OTOG: variants seen among roughly 807,000 people sequenced by gnomAD.
OTOG encodes the protein otogelin.
OTOG carries 296 observed loss-of-function variants against 313.8 expected under a neutral mutation model. That is an observed-to-expected ratio of 0.94 (90% CI 0.86 to 1.04). OTOG has a LOEUF of 1.04. OTOG is among the 50% of genes least tolerant of loss of function. The probability of loss-of-function intolerance (pLI) is 0.00; values close to 1 mark genes in which losing one functional copy is unlikely to be tolerated. For synonymous variants in OTOG, 1,533 were observed against 1,554.9 expected (o/e 0.99, Z 0.33); for missense variants, 3,948 against 3,840.1 (o/e 1.03, Z -0.74).
chr11:17,586,049 G>A (rs561414456), intron 23 of OTOG, among the ~76,000 whole-genome samples: 11 of 152,194 alleles, frequency 7.2e-5, no homozygotes, highest in Non-Finnish European at 1.5e-4. Context: ...CAGATTTCAT[G>A]GAAACCAGAC....
intron 1 of OTOG, 187 bp downstream of exon 1, chr11:17,547,653 C>G (rs561032273): frequency 1.5e-4 from 171 of 1,128,762 alleles, no homozygotes; most frequent in Non-Finnish European, 1.7e-4. Context: ...GGCCTATGAC[C>G]GCGGGGGAAA....
intron 30 of OTOG, 120 bp from the exon 31 acceptor site, chr11:17,599,551 G>A (rs1853193964): frequency 9.5e-7 from 1 of 1,057,302 alleles, no homozygotes; most frequent in Non-Finnish European, 1.4e-6. Flanking sequence ...ACATGTGGGA[G>A]GCAGGCCAGG....
At chr11:17,641,977 T>G in intron 52 of OTOG, 26 bp downstream of exon 52, 1 of 1,545,554 alleles carries the variant, frequency 6.5e-7, no homozygotes, top group East Asian at 2.4e-5. Context: ...GCTGCCCACT[T>G]AGGAGGGTGT....
intron 6 of OTOG, among the ~76,000 whole-genome samples, chr11:17,553,838 T>G (rs1851998523): frequency 6.6e-6 from 1 of 152,244 alleles, no homozygotes; most frequent in Non-Finnish European, 1.5e-5. Flanking sequence ...CTTTGTCTTC[T>G]CAGAACTTAT....
In OTOG at chr11:17,602,274, G is replaced by A; in HGVS notation, c.3774G>A (p.Lys1258=). The A allele has an allele frequency of 6.4e-7, 1 of 1,550,618 alleles. No individual in the cohort carries two copies. The highest frequency in any genetic ancestry group is 8.7e-7 in the Non-Finnish European group (1 of 1,146,964). Residue 1258 remains lysine, a synonymous_variant, in exon 32 of 56, where the codon AAG becomes AAA. Coordinates refer to ENST00000399397, the MANE Select transcript of OTOG (RefSeq NM_001292063.2). ...LAAGGALVGM[K]AVGDDIVLVR... ...CCGGTGGTGCTCTGGTGGGCATGAA[G>A]GCGGTGGGCGATGACATAGTCCTAG...
chr11:17,594,214 G>A (rs1217873802), intron 28 of OTOG, 48 bp downstream of exon 28: 60 of 1,549,002 alleles, frequency 3.9e-5, no homozygotes, highest in African/African-American at 1.2e-4. Flanking sequence ...TCAGATGGGC[G>A]CTGCCAGCAC....
At position 17,634,831 on chromosome 11, in the gene OTOG, TC is replaced by T; in HGVS notation, c.7481-9del. ...GGCCCCGAGGTGACAGGCCCTGTGG[TC>T]CCCGGGGCCAGTGTGTAACCAGACT... On this transcript the variant is annotated splice_polypyrimidine_tract_variant and intron_variant, in intron 44 of 55. Coordinates refer to ENST00000399397, the MANE Select transcript of OTOG (RefSeq NM_001292063.2). 6.5e-7 allele frequency: 1 copy of T among 1,544,426 alleles called. No homozygotes were observed. Among genetic ancestry groups the T allele is most frequent in the South Asian group, 1.2e-5 (1 of 83,826 alleles).
chr11:17,597,054 C>T, intron 30 of OTOG, 47 bp downstream of exon 30: 1 of 1,540,362 alleles, frequency 6.5e-7, no homozygotes, highest in Non-Finnish European at 8.8e-7. Context: ...AGAGTGTCAC[C>T]TGTGGGCATG....
chr11:17,574,808 T>A lies in OTOG; in HGVS notation c.2382T>A (p.Cys794Ter). ...AGGACCTGGCCAGCCCTGAGGCCTG[T>A]GGGGTTGATGGTGGCGATGACCTGA... The part of the protein sequence containing the change: ...TCQDLASPEA[C>*]GVDGGDDLSR... The change falls in exon 20 of 56, where the codon TGT becomes TGA. Residue 794 changes from cysteine to a stop codon, truncating the protein, a stop_gained. Coordinates refer to ENST00000399397, the MANE Select transcript of OTOG (RefSeq NM_001292063.2). LOFTEE classifies it high-confidence loss of function. 6.4e-7 allele frequency: 1 copy of A among 1,550,460 alleles called. No individual in the cohort carries two copies. The highest frequency in any genetic ancestry group is 8.7e-7 in the Non-Finnish European group (1 of 1,146,870).
At position 17,645,786 on chromosome 11, in the gene OTOG, A is replaced by G. The variant is rs1189373576; in HGVS notation, c.8584A>G (p.Ile2862Val). The G allele has an allele frequency of 6.4e-7, 1 of 1,551,082 alleles. No homozygotes were observed. Among genetic ancestry groups the G allele is most frequent in the East Asian group, 2.4e-5 (1 of 40,920 alleles). The change falls in exon 56 of 56, where the codon ATC (isoleucine) becomes GTC (valine). Residue 2862 changes from isoleucine to valine, a missense_variant. Physicochemically the swap from Ile to Val is conservative, Grantham distance 29 (BLOSUM62 3). Transcript: ENST00000399397. ...SCDGRCPSAS[I>V]YNYNINTYAR... The stretch of plus-strand genomic sequence containing the variant: ...CGATGGGAGGTGCCCATCCGCCAGC[A>G]TCTACAACTACAACATCAACACCTA...
At chr11:17,601,508 C>T (rs562748478) in intron 31 of OTOG, among the ~76,000 whole-genome samples, 14 of 151,438 alleles carry the variant, frequency 9.2e-5, no homozygotes, top group African/African-American at 3.4e-4. Flanking sequence ...TGGGCAGGGG[C>T]TGAGGGCTGA....
intron 32 of OTOG, among the ~76,000 whole-genome samples, chr11:17,603,707 G>A (rs899115248): frequency 6.6e-6 from 1 of 152,178 alleles, no homozygotes; most frequent in African/African-American, 2.4e-5. Context: ...GCATGGAGGA[G>A]GTGTCCCTTG....
At chr11:17,561,851 T>G in intron 15 of OTOG, 44 bp downstream of exon 15, 1 of 1,547,350 alleles carries the variant, frequency 6.5e-7, no homozygotes, top group Non-Finnish European at 8.7e-7. Context: ...CAGCTACTCC[T>G]GCCTACTGCC....
At chr11:17,571,241 G>T (rs187417772) in intron 17 of OTOG, among the ~76,000 whole-genome samples, 159 of 152,328 alleles carry the variant, frequency 1.0e-3, no homozygotes, top group African/African-American at 3.5e-3. Flanking sequence ...AGGGTAGCTG[G>T]CCAAATAGTA....
chr11:17,623,930 C>T (rs1295995678), intron 39 of OTOG, among the ~76,000 whole-genome samples: 5 of 152,146 alleles, frequency 3.3e-5, no homozygotes, highest in Admixed American at 3.3e-4. Context: ...TGCTTATTGG[C>T]TGAATGTATG....
chr11:17,572,320 TAA>T (rs1852423079), intron 18 of OTOG, 116 bp downstream of exon 18: 1 of 1,391,510 alleles, frequency 7.2e-7, no homozygotes, highest in Non-Finnish European at 9.6e-7. Context: ...GTAGGAGTGA[TAA>T]GAGAAGGAGG....
chr11:17,639,397 G>T (rs1373152909), intron 48 of OTOG, 26 bp from the exon 49 acceptor site: 1 of 1,550,422 alleles, frequency 6.4e-7, no homozygotes, highest in Admixed American at 2.0e-5. Context: ...CTGATGAAGT[G>T]GGGCCTGGCC....
chr11:17,615,477 G>A (rs1298183017), intron 39 of OTOG, among the ~76,000 whole-genome samples: 1 of 152,098 alleles, frequency 6.6e-6, no homozygotes, highest in Non-Finnish European at 1.5e-5. Flanking sequence ...TATAGTTTTA[G>A]GTATTACTTT....
Position 17,547,289 on chromosome 11 carries a change from TG to T in OTOG, c.-82del. On this transcript the variant is annotated 5_prime_UTR_variant, in exon 1 of 56. An upstream open reading frame in the 5' UTR gains an earlier in-frame stop. Coordinates refer to ENST00000399397, the MANE Select transcript of OTOG (RefSeq NM_001292063.2). ...AACAAGAGGGACCTCGGCTGCGGAG[TG>T]GAGGTGTGACCCTGCCTTAGCCCGG... is the stretch of plus-strand genomic sequence containing the variant. 1 of 1,141,844 alleles carries T rather than the reference TG, an allele frequency of 8.8e-7. No individual in the cohort carries two copies. The highest frequency in any genetic ancestry group is 1.1e-6 in the Non-Finnish European group (1 of 891,214). The allele number at this position is 1,141,844 out of a possible 1,614,324, so 70.7% of individuals were successfully genotyped here.
Sources: gnomAD v4.1 joint callset for allele counts (sites outside exome capture counted in the v4.1 genomes callset) on GRCh38, gnomAD v4.1.1 for gene constraint, MANE v1.5 for transcripts, NCBI Gene and HGNC (gene_info 2026-07-23, HGNC 2026-07-21) for gene names.